The following SWT1 variants were observed in gnomAD, a reference collection of about 807,000 sequenced individuals.
SWT1 encodes transcriptional protein SWT1.
Under a neutral mutation model 107.3 loss-of-function variants are expected in SWT1, and 33 were observed. That is an observed-to-expected ratio of 0.31 (90% CI 0.23 to 0.41). The LOEUF (loss-of-function observed/expected upper bound fraction) is 0.41. SWT1 is among the 10% of genes least tolerant of loss of function. The pLI is 1.00. For missense variants in SWT1, 898 were observed against 1,028.9 expected, an observed-to-expected ratio of 0.87 and a Z score of 1.74; for synonymous variants, 345 against 348.3, an observed-to-expected ratio of 0.99 and a Z score of 0.11.
chr1:185,204,025 A>C (rs1028991377), intron 11 of SWT1, among the ~76,000 whole-genome samples: 1 of 152,220 alleles, frequency 6.6e-6, no homozygotes, highest in Non-Finnish European at 1.5e-5. Flanking sequence ...GTTGTTTTCA[A>C]GTATCTAAAA....
chr1:185,251,199 T>G (rs986147387), intron 16 of SWT1: 2 of 152,164 alleles, frequency 1.3e-5, no homozygotes, highest in African/African-American at 4.8e-5. Flanking sequence ...ATAAATAAAT[T>G]AATAAACCCA....
Position 185,166,605 on chromosome 1 carries a change from A to G in SWT1, c.118A>G (p.Thr40Ala). ...KKERKTPASS[T>A]SSSSIRSVSS... Reference sequence around the variant, plus strand: ...AGAGAGAAAAACCCCAGCAAGTTCTACTAGTTCATCTTCTATAAGATCAGT... The same window carrying G: ...AGAGAGAAAAACCCCAGCAAGTTCTGCTAGTTCATCTTCTATAAGATCAGT... The change falls in exon 3 of 19, where the codon ACT (threonine) becomes GCT (alanine). Residue 40 changes from threonine to alanine, a missense_variant. By Grantham distance (58) the Thr-to-Ala change is moderately conservative. Transcript: ENST00000367500. 2 of 1,606,686 alleles carry G rather than the reference A, an allele frequency of 1.2e-6. No individual in the cohort carries two copies. The highest frequency in any genetic ancestry group is 1.7e-6 in the Non-Finnish European group (2 of 1,175,128).
chr1:185,170,795 G>A (rs569730470), intron 4 of SWT1, among the ~76,000 whole-genome samples: 1 of 152,224 alleles, frequency 6.6e-6, no homozygotes, highest in African/African-American at 2.4e-5. Context: ...CTTTCTATAG[G>A]ACTATAGGAA....
chr1:185,184,202 CTG>C, intron 7 of SWT1, 39 bp from the exon 8 acceptor site: 2 of 1,034,314 alleles, frequency 1.9e-6, no homozygotes, highest in Non-Finnish European at 2.9e-6. Flanking sequence ...TTATATAAGT[CTG>C]TTATCAAGTG....
Position 185,184,740 on chromosome 1 carries a change from T to C in SWT1, c.1241-3T>C. On this transcript the variant is annotated splice_polypyrimidine_tract_variant and splice_region_variant and intron_variant, in intron 8 of 18. Transcript: ENST00000367500. The stretch of plus-strand genomic sequence containing the variant: ...AATTCTAAGAAATCTTTTTATTTTT[T>C]AGGTTTTGACAAACTTGTGTTAATA... 1 of 1,601,788 alleles carries C rather than the reference T, an allele frequency of 6.2e-7. No homozygotes were observed. The highest frequency in any genetic ancestry group is 8.5e-7 in the Non-Finnish European group (1 of 1,175,186).
At chr1:185,186,628 T>C (rs1200260905) in intron 9 of SWT1, among the ~76,000 whole-genome samples, 1 of 152,142 alleles carries the variant, frequency 6.6e-6, no homozygotes, top group African/African-American at 2.4e-5. Flanking sequence ...TAAAAAAATA[T>C]GTGAAGTATA....
At chr1:185,258,974 G>C (rs1662829234) in intron 16 of SWT1, among the ~76,000 whole-genome samples, 1 of 151,908 alleles carries the variant, frequency 6.6e-6, no homozygotes, top group Non-Finnish European at 1.5e-5. Flanking sequence ...TCTCTTGACT[G>C]TTATTTTATT....
rs556985767 is a variant in SWT1 at position 185,240,516 on chromosome 1, G to A, written c.2441+8808G>A. ...TGTATATAGCTTAGTTTTTTTTCTA[G>A]CTGTCATTTTGTTTGGTCATATTTA... On this transcript the variant is annotated intron_variant, in intron 16 of 18. Coordinates refer to ENST00000367500, the MANE Select transcript of SWT1 (RefSeq NM_017673.7). Among the ~76,000 whole-genome samples, 200 of 151,924 alleles carry A rather than the reference G, an allele frequency of 1.3e-3. 2 individuals are homozygous for A. The highest frequency in any genetic ancestry group is 4.6e-3 in the African/African-American group (192 of 41,508).
intron 16 of SWT1, among the ~76,000 whole-genome samples, chr1:185,240,974 T>C (rs1322053763): frequency 1.3e-5 from 2 of 152,238 alleles, no homozygotes; most frequent in East Asian, 1.9e-4. Context: ...ACTAATATGC[T>C]TCAAAGATAC....
intron 16 of SWT1, among the ~76,000 whole-genome samples, chr1:185,233,262 C>T (rs1211049435): frequency 1.3e-5 from 2 of 152,194 alleles, no homozygotes; most frequent in East Asian, 3.8e-4. Context: ...CTCCTGGATT[C>T]ATTGAGTTTT....
intron 16 of SWT1, among the ~76,000 whole-genome samples, chr1:185,253,440 G>A (rs1296332723): frequency 6.6e-6 from 1 of 151,806 alleles, no homozygotes; most frequent in Non-Finnish European, 1.5e-5. Flanking sequence ...CCATTTGTTT[G>A]TATCCTCTTT....
chr1:185,212,024 G>C (rs1273355952), intron 13 of SWT1, among the ~76,000 whole-genome samples: 1 of 152,078 alleles, frequency 6.6e-6, no homozygotes, highest in African/African-American at 2.4e-5. Flanking sequence ...CGTGGACACA[G>C]GAAGGGGAAC....
chr1:185,196,482 T>C (rs1657401613), intron 10 of SWT1, among the ~76,000 whole-genome samples: 1 of 152,178 alleles, frequency 6.6e-6, no homozygotes, highest in African/African-American at 2.4e-5. Context: ...CTTTCTTCTT[T>C]CCATATGAAA....
chr1:185,224,619 T>A (rs1001641474), intron 15 of SWT1, among the ~76,000 whole-genome samples: 6 of 152,324 alleles, frequency 3.9e-5, no homozygotes, highest in South Asian at 4.1e-4. Context: ...ACATGAGATA[T>A]CTTTCCATTT....
intron 18 of SWT1, among the ~76,000 whole-genome samples, chr1:185,279,915 T>A (rs1327163445): frequency 2.0e-5 from 3 of 152,152 alleles, no homozygotes; most frequent in Non-Finnish European, 2.9e-5. Flanking sequence ...TTTTGTTTTT[T>A]TTAAAGCATT....
intron 5 of SWT1, among the ~76,000 whole-genome samples, chr1:185,176,038 C>G (rs1485107583): frequency 6.6e-6 from 1 of 151,984 alleles, no homozygotes; most frequent in African/African-American, 2.4e-5. Context: ...GCCTGTAATC[C>G]CAGTGTTTTG....
At chr1:185,184,675 G>A in intron 8 of SWT1, 68 bp from the exon 9 acceptor site, 1 of 1,242,450 alleles carries the variant, frequency 8.0e-7, no homozygotes, top group Non-Finnish European at 1.1e-6. Flanking sequence ...TTTACCTCTT[G>A]GACAGCAATT....
At chr1:185,170,825 A>T (rs1442553964) in intron 4 of SWT1, among the ~76,000 whole-genome samples, 1 of 152,178 alleles carries the variant, frequency 6.6e-6, no homozygotes, top group Non-Finnish European at 1.5e-5. Flanking sequence ...TAGTATACAT[A>T]ATTGTGTACA....
chr1:185,254,904 C>T (rs1299680114), intron 16 of SWT1, among the ~76,000 whole-genome samples: 1 of 152,104 alleles, frequency 6.6e-6, no homozygotes, highest in African/African-American at 2.4e-5. Context: ...CCTGCTTTCT[C>T]TTGTGGGCAT....
Sources: gnomAD v4.1 joint callset for allele counts (sites outside exome capture counted in the v4.1 genomes callset) on GRCh38, gnomAD v4.1.1 for gene constraint, MANE v1.5 for transcripts, NCBI Gene and HGNC (gene_info 2026-07-23, HGNC 2026-07-21) for gene names.